Variants in ADGRL3 observed in about 807,000 individuals in gnomAD.
The protein encoded by ADGRL3 is calcium-independent alpha-latrotoxin receptor 3.
ADGRL3 carries 62 observed loss-of-function variants against 153.5 expected under a neutral mutation model. The ratio of observed to expected loss-of-function variants is 0.40; its 90% CI spans 0.33 to 0.50. The LOEUF (loss-of-function observed/expected upper bound fraction) is 0.50. Among genes scored for constraint, ADGRL3 ranks in the 20% least tolerant of loss-of-function variants. The pLI is 0.47. For missense variants in ADGRL3, 1,641 were observed against 1,859.4 expected, an observed-to-expected ratio of 0.88 and a Z score of 2.16; for synonymous variants, 710 against 672.5, an observed-to-expected ratio of 1.06 and a Z score of -0.86.
chr4:61,259,199 G>A (rs886130348), intron 1 of ADGRL3, among the ~76,000 whole-genome samples: 15 of 152,052 alleles, frequency 9.9e-5, no homozygotes, highest in Non-Finnish European at 1.6e-4. Context: ...CCGAGGCGGC[G>A]GATCACGAGG....
chr4:61,384,310 A>G (rs923122281), intron 2 of ADGRL3, among the ~76,000 whole-genome samples: 1 of 151,876 alleles, frequency 6.6e-6, no homozygotes. Flanking sequence ...TTCATTTGGA[A>G]TTTCTTGTCA....
At chr4:61,596,398 T>C (rs2098989305) in intron 5 of ADGRL3, among the ~76,000 whole-genome samples, 1 of 152,228 alleles carries the variant, frequency 6.6e-6, no homozygotes, top group South Asian at 2.1e-4. Context: ...CTTTTGCTAA[T>C]AAGTTATAAA....
intron 13 of ADGRL3, among the ~76,000 whole-genome samples, chr4:61,918,691 G>T (rs1236746370): frequency 2.0e-5 from 3 of 152,182 alleles, no homozygotes; most frequent in Non-Finnish European, 4.4e-5. Context: ...AAGCACTGCT[G>T]AATCTGCTCA....
At chr4:61,258,236 G>A (rs2092183499) in intron 1 of ADGRL3, among the ~76,000 whole-genome samples, 1 of 152,154 alleles carries the variant, frequency 6.6e-6, no homozygotes. Context: ...CAAATGAGGA[G>A]ACACTTTGCC....
chr4:61,532,322 A>G (rs559338299), intron 4 of ADGRL3, among the ~76,000 whole-genome samples: 1 of 152,290 alleles, frequency 6.6e-6, no homozygotes, highest in South Asian at 2.1e-4. Flanking sequence ...GATCATTAAT[A>G]ACTTGGGACT....
intron 1 of ADGRL3, among the ~76,000 whole-genome samples, chr4:61,232,744 A>G (rs1751271732): frequency 6.6e-6 from 1 of 152,160 alleles, no homozygotes; most frequent in African/African-American, 2.4e-5. Context: ...AACCATTTAG[A>G]ACAGTGCCTG....
intron 8 of ADGRL3, among the ~76,000 whole-genome samples, chr4:61,757,702 A>G (rs2096854078): frequency 6.6e-6 from 1 of 151,944 alleles, no homozygotes; most frequent in Admixed American, 6.6e-5. Flanking sequence ...AGTTCTTTTA[A>G]TTGTGATGTT....
chr4:61,714,416 C>T (rs1393294455), intron 6 of ADGRL3, among the ~76,000 whole-genome samples: 1 of 152,150 alleles, frequency 6.6e-6, no homozygotes, highest in Non-Finnish European at 1.5e-5. Flanking sequence ...TGCCTCTGCA[C>T]ACATGTTGTA....
At chr4:61,402,467 TC>T (rs574906305) in intron 2 of ADGRL3, among the ~76,000 whole-genome samples, 115 of 152,232 alleles carry the variant, frequency 7.6e-4, no homozygotes, top group Non-Finnish European at 1.5e-3. Flanking sequence ...CGAATTTTAT[TC>T]AAGTTGAGAG....
At chr4:61,874,529 C>A (rs1000421349) in intron 9 of ADGRL3, among the ~76,000 whole-genome samples, 1 of 151,588 alleles carries the variant, frequency 6.6e-6, no homozygotes, top group African/African-American at 2.4e-5. Context: ...TGAATATCAG[C>A]AAGAGGGGCC....
chr4:61,502,940 A>C (rs2098401827), intron 3 of ADGRL3, among the ~76,000 whole-genome samples: 1 of 152,214 alleles, frequency 6.6e-6, no homozygotes, highest in South Asian at 2.1e-4. Context: ...TAATATCTGC[A>C]GTAATATAAC....
chr4:61,295,347 T>C (rs1230513417), intron 1 of ADGRL3, among the ~76,000 whole-genome samples: 1 of 152,148 alleles, frequency 6.6e-6, no homozygotes, highest in Non-Finnish European at 1.5e-5. Flanking sequence ...AGGTGCCTAA[T>C]TTATAAATTT....
intron 4 of ADGRL3, among the ~76,000 whole-genome samples, chr4:61,560,616 C>A (rs2098790823): frequency 6.6e-6 from 1 of 151,602 alleles, no homozygotes; most frequent in Non-Finnish European, 1.5e-5. Context: ...ATCTGCCCAA[C>A]ATCCAAATCC....
At chr4:61,291,064 C>T (rs2094159459) in intron 1 of ADGRL3, among the ~76,000 whole-genome samples, 2 of 151,832 alleles carry the variant, frequency 1.3e-5, no homozygotes, top group Non-Finnish European at 2.9e-5. Context: ...AGATTACTGC[C>T]TATGCCATTA....
chr4:61,564,266 T>TGTTG (rs1317869375), intron 4 of ADGRL3, among the ~76,000 whole-genome samples: 13 of 152,018 alleles, frequency 8.6e-5, no homozygotes, highest in African/African-American at 3.1e-4. Context: ...TGTTTGTTTT[T>TGTTG]GTTGGTTGGT....
In ADGRL3 at chr4:61,202,775, G is replaced by T. The variant is rs555681427; in HGVS notation, c.-240+1010G>T. 8.8e-4 allele frequency among the ~76,000 whole-genome samples: 134 copies of T among 152,228 alleles called. No individual in the cohort carries two copies. The highest frequency in any genetic ancestry group is 1.7e-3 in the Non-Finnish European group (113 of 67,980). ...GTGTGTGTCTGTGCGTGTGTGTGTG[G>T]TGTGTAGGGGTGGGGGCGACCTCCT... On this transcript the variant is annotated intron_variant, in intron 1 of 26. Coordinates refer to ENST00000683033, the MANE Select transcript of ADGRL3 (RefSeq NM_001387552.1). The surrounding 1 kb of genome is among the most constrained non-coding windows in gnomAD (Gnocchi z 5.0).
At chr4:62,068,342 A>T (rs192476668) in intron 26 of ADGRL3, 159 bp downstream of exon 26, 2 of 442,500 alleles carry the variant, frequency 4.5e-6, no homozygotes, top group Non-Finnish European at 3.8e-6. Context: ...ATGTTAATAG[A>T]GATTAGACGC....
At chr4:61,747,124 C>T (rs1313788523) in intron 8 of ADGRL3, among the ~76,000 whole-genome samples, 54 of 152,250 alleles carry the variant, frequency 3.5e-4, no homozygotes, top group African/African-American at 1.3e-3. Context: ...TGGATAAATT[C>T]CTCGACACAT....
chr4:61,236,287 G>A (rs930091378), intron 1 of ADGRL3, among the ~76,000 whole-genome samples: 10 of 152,036 alleles, frequency 6.6e-5, no homozygotes, highest in Admixed American at 5.2e-4. Context: ...TGGGATTACA[G>A]GCTTGAGCCA....
Sources: gnomAD v4.1 joint callset for allele counts (sites outside exome capture counted in the v4.1 genomes callset) on GRCh38, gnomAD v4.1.1 for gene constraint, Gnocchi (gnomAD v3.1) non-coding constraint, MANE v1.5 for transcripts, NCBI Gene and HGNC (gene_info 2026-07-23, HGNC 2026-07-21) for gene names.